Variants in CNKSR3 observed in about 807,000 individuals in gnomAD.
CNKSR3 encodes the protein connector enhancer of kinase suppressor of ras 3.
In CNKSR3, 36 loss-of-function variants were observed where a neutral mutation model predicts 67.7. The ratio of observed to expected loss-of-function variants is 0.53; its 90% CI spans 0.41 to 0.70. The LOEUF (loss-of-function observed/expected upper bound fraction) is 0.70. Among genes scored for constraint, CNKSR3 ranks in the 30% least tolerant of loss-of-function variants. The pLI is 0.00. For synonymous variants in CNKSR3, 281 were observed against 271.4 expected (o/e 1.04, Z -0.35); for missense variants, 630 against 695.2 (o/e 0.91, Z 1.05).
chr6:154,414,832 C>T (rs1196202077), intron 9 of CNKSR3: 3 of 471,868 alleles, frequency 6.4e-6, no homozygotes, highest in Non-Finnish European at 1.3e-5. Context: ...GCGGTTCTTG[C>T]CTGTTACCCC....
In CNKSR3 at chr6:154,415,014, C is replaced by T. The variant is rs904961900; in HGVS notation, c.946-591G>A. Among the ~76,000 whole-genome samples, 12 of 142,806 alleles carry T rather than the reference C, an allele frequency of 8.4e-5. No individual in the cohort carries two copies. The East Asian group carries it at 2.7e-3, about 33-fold the overall frequency. 93.7% of individuals were successfully genotyped at this position (142,806 alleles called of 152,430 possible). The stretch of plus-strand genomic sequence containing the variant: ...TTGGGATGATGAGATGGGAGGATTG[C>T]TTGAGCCCAGGAGGCAGAAGTTGCA... On this transcript the variant is annotated intron_variant, in intron 9 of 12. Coordinates refer to ENST00000607772, the MANE Select transcript of CNKSR3 (RefSeq NM_173515.4).
At chr6:154,444,293 T>TA (rs765149425) in intron 2 of CNKSR3, among the ~76,000 whole-genome samples, 50 of 152,196 alleles carry the variant, frequency 3.3e-4, no homozygotes, top group Non-Finnish European at 6.5e-4. Flanking sequence ...GAAATGTTTT[T>TA]ATCTCTAATT....
At chr6:154,422,788 T>C in intron 8 of CNKSR3, 127 bp downstream of exon 8, 4 of 1,156,134 alleles carry the variant, frequency 3.5e-6, no homozygotes, top group Non-Finnish European at 5.1e-6. Flanking sequence ...AGTATGCTCA[T>C]GTTAGCACAA....
intron 1 of CNKSR3, among the ~76,000 whole-genome samples, chr6:154,503,221 T>C (rs1787033140): frequency 6.6e-6 from 1 of 152,124 alleles, no homozygotes; most frequent in African/African-American, 2.4e-5. Flanking sequence ...GCCCATCTCA[T>C]CCTCCTAGGT....
At chr6:154,478,191 C>T (rs1786493319) in intron 1 of CNKSR3, 1 of 153,018 alleles carries the variant, frequency 6.5e-6, no homozygotes, top group Admixed American at 6.5e-5. Flanking sequence ...TGGCCAAGCT[C>T]CTCCTCCGCC....
chr6:154,481,684 C>T (rs1415507510), intron 1 of CNKSR3, among the ~76,000 whole-genome samples: 1 of 152,154 alleles, frequency 6.6e-6, no homozygotes, highest in East Asian at 1.9e-4. Context: ...TTAAAGGAGA[C>T]CTGATGACCA....
rs534594471 is a variant in CNKSR3, at chr6:154,474,429, G to C, written c.53-24171C>G. 8.6e-5 allele frequency among the ~76,000 whole-genome samples: 13 copies of C among 151,650 alleles called. No homozygotes were observed. In the East Asian group the frequency reaches 1.4e-3, roughly 16 times the overall value. ...CTCCGTCTCAAAAAAAAAAAAGTGG[G>C]GGGGGGCAATATAAAGTCCTTCAAC... On this transcript the variant is annotated intron_variant, in intron 1 of 12. Transcript: ENST00000607772.
intron 1 of CNKSR3, among the ~76,000 whole-genome samples, chr6:154,499,978 G>A (rs1424918193): frequency 1.3e-5 from 2 of 152,092 alleles, no homozygotes; most frequent in African/African-American, 2.4e-5. Context: ...TAAGGCTTTA[G>A]TGTACAGAGT....
In CNKSR3 at chr6:154,410,943, G is replaced by GTGT. The variant is rs748415096; in HGVS notation, c.1267_1269dup (p.Thr423dup). On this transcript the variant is annotated inframe_insertion, in exon 11 of 13. Coordinates refer to ENST00000607772, the MANE Select transcript of CNKSR3 (RefSeq NM_173515.4). ...AACACTTGAAACTTACCATAAGATGGTGTTTTCTCTCTCATTTTTGTGGGC... is the reference window on the plus strand; with the variant it reads ...AACACTTGAAACTTACCATAAGATGGTGTTGTTTTCTCTCTCATTTTTGTGGGC... 14 of 1,611,700 alleles carry GTGT rather than the reference G, an allele frequency of 8.7e-6. No individual in the cohort carries two copies. The highest frequency in any genetic ancestry group is 1.2e-5 in the Non-Finnish European group (14 of 1,178,516).
intron 9 of CNKSR3, among the ~76,000 whole-genome samples, chr6:154,415,097 C>CAAAAAAAAAAAAAAAAAAAAAAA (rs1157415390): frequency 3.0e-5 from 1 of 33,240 alleles, no homozygotes; most frequent in Non-Finnish European, 7.8e-5. Flanking sequence ...GACTCTGTCT[C>CAAAAAAAAAAAAAAAAAAAAAAA]AAAAAAAAAA....
At chr6:154,451,232 T>G (rs947625189) in intron 1 of CNKSR3, among the ~76,000 whole-genome samples, 11 of 152,340 alleles carry the variant, frequency 7.2e-5, no homozygotes, top group Middle Eastern at 3.4e-3. Context: ...AAATAGAACT[T>G]GAGAATTCTT....
At chr6:154,451,860 G>A (rs988652513) in intron 1 of CNKSR3, among the ~76,000 whole-genome samples, 3 of 152,126 alleles carry the variant, frequency 2.0e-5, no homozygotes, top group African/African-American at 7.2e-5. Flanking sequence ...GTCTAGCCCA[G>A]GGGCTAGACA....
rs1784713576 is a variant in CNKSR3 at position 154,401,097 on chromosome 6, T to C, written c.*5257A>G. 1 of 152,168 alleles carries C rather than the reference T, an allele frequency of 6.6e-6. No individual in the cohort carries two copies. The highest frequency in any genetic ancestry group is 1.5e-5 in the Non-Finnish European group (1 of 68,026). 9.4% of individuals were successfully genotyped at this position (152,168 alleles called of 1,614,324 possible). On this transcript the variant is annotated 3_prime_UTR_variant, in exon 13 of 13. Coordinates refer to ENST00000607772, the MANE Select transcript of CNKSR3 (RefSeq NM_173515.4). ...TGTGCTCCTTAAGCCAGTTTTAAAA[T>C]AGATTTTAAAATATTCACCTTCCAG...
At chr6:154,413,105 T>C (rs900387578) in intron 10 of CNKSR3, among the ~76,000 whole-genome samples, 2 of 150,858 alleles carry the variant, frequency 1.3e-5, no homozygotes, top group African/African-American at 4.9e-5. Flanking sequence ...AAGTTAGCCA[T>C]GAAGAAAGCA....
intron 12 of CNKSR3, among the ~76,000 whole-genome samples, chr6:154,409,533 T>C (rs1243868077): frequency 6.6e-6 from 1 of 151,722 alleles, no homozygotes; most frequent in Non-Finnish European, 1.5e-5. Flanking sequence ...ACTCCAAAAA[T>C]AAAAGCAACA....
At chr6:154,421,801 T>C (rs1397302639) in intron 9 of CNKSR3, among the ~76,000 whole-genome samples, 3 of 152,110 alleles carry the variant, frequency 2.0e-5, no homozygotes, top group African/African-American at 7.2e-5. Context: ...GTGTTCAAAC[T>C]GTATACAGTT....
intron 1 of CNKSR3, among the ~76,000 whole-genome samples, chr6:154,482,964 C>T (rs1786594584): frequency 6.6e-6 from 1 of 152,194 alleles, no homozygotes; most frequent in Non-Finnish European, 1.5e-5. Context: ...TTCTGCCTGC[C>T]ACGTTAGAAG....
intron 4 of CNKSR3, among the ~76,000 whole-genome samples, chr6:154,436,691 C>T (rs1454042141): frequency 6.6e-6 from 1 of 152,040 alleles, no homozygotes; most frequent in Non-Finnish European, 1.5e-5. Context: ...TCAGCACCTG[C>T]CAGGGCCATT....
intron 1 of CNKSR3, among the ~76,000 whole-genome samples, chr6:154,476,011 A>T (rs1440388642): frequency 6.6e-6 from 1 of 152,098 alleles, no homozygotes; most frequent in Non-Finnish European, 1.5e-5. Context: ...TGATGCCAGC[A>T]GAAGTAATAA....
Sources: allele counts gnomAD v4.1 joint callset (sites outside exome capture counted in the v4.1 genomes callset), GRCh38; gene constraint gnomAD v4.1.1; transcripts MANE v1.5; gene names NCBI Gene and HGNC (gene_info 2026-07-23, HGNC 2026-07-21).